PMP22: variants seen among roughly 807,000 people sequenced by gnomAD.
The protein encoded by PMP22 is Charcot-Marie-Tooth neuropathy 1A (greatly reduced nerve conduction velocity, hereditary motor sensory neuropathy Ia).
In PMP22, 2 loss-of-function variants were observed where a neutral mutation model predicts 18.9. The observed-to-expected ratio is 0.11, with a 90% confidence interval of 0.04 to 0.33. The LOEUF (loss-of-function observed/expected upper bound fraction) is 0.33. Among genes scored for constraint, PMP22 ranks in the 10% least tolerant of loss-of-function variants. The pLI is 1.00. For missense variants in PMP22, 169 were observed against 202.2 expected, an observed-to-expected ratio of 0.84 and a Z score of 1.00; for synonymous variants, 95 against 89.2, an observed-to-expected ratio of 1.07 and a Z score of -0.37.
intron 3 of PMP22, among the ~76,000 whole-genome samples, chr17:15,250,065 G>A (rs1470820972): frequency 1.3e-5 from 2 of 152,132 alleles, no homozygotes; most frequent in Admixed American, 6.5e-5. Context: ...ACAGGCACCG[G>A]CCACCACGCC....
chr17:15,252,705 C>T (rs1352257792), intron 3 of PMP22, among the ~76,000 whole-genome samples: 2 of 152,234 alleles, frequency 1.3e-5, no homozygotes, highest in African/African-American at 4.8e-5. Context: ...TGCCTAACAC[C>T]TCAGCATGAA....
chr17:15,259,289 G>A (rs547803977), intron 2 of PMP22, 96 bp from the exon 3 acceptor site: 36 of 951,616 alleles, frequency 3.8e-5, no homozygotes, highest in Middle Eastern at 4.2e-4. Context: ...AAAAGCACCC[G>A]CATCCACCTA....
At chr17:15,246,241 T>G (rs985147018) in intron 3 of PMP22, among the ~76,000 whole-genome samples, 1 of 152,188 alleles carries the variant, frequency 6.6e-6, no homozygotes, top group Non-Finnish European at 1.5e-5. Flanking sequence ...GCTTTGCAGG[T>G]CATACGGTCT....
chr17:15,234,976 C>T (rs1906673658), intron 4 of PMP22, among the ~76,000 whole-genome samples: 2 of 152,004 alleles, frequency 1.3e-5, no homozygotes, highest in Admixed American at 1.3e-4. Context: ...TCCAAGGCAC[C>T]CCACTAATTT....
In PMP22 at chr17:15,230,162, T is replaced by C. The variant is rs1005262176; in HGVS notation, c.*755A>G. Reference sequence around the variant, plus strand: ...ATTCAGGTCTCCATTCTATCTTATGTTGTAAAATTGTTAATTGGATTTCCA... The same window carrying C: ...ATTCAGGTCTCCATTCTATCTTATGCTGTAAAATTGTTAATTGGATTTCCA... On this transcript the variant is annotated 3_prime_UTR_variant, in exon 5 of 5. Transcript: ENST00000312280. The C allele has an allele frequency of 6.5e-6, 1 of 152,950 alleles. No homozygotes were observed. The highest frequency in any genetic ancestry group is 1.5e-5 in the Non-Finnish European group (1 of 68,266). 9.5% of individuals were successfully genotyped at this position (152,950 alleles called of 1,614,324 possible).
chr17:15,253,669 C>T (rs1432894074), intron 3 of PMP22, among the ~76,000 whole-genome samples: 1 of 152,114 alleles, frequency 6.6e-6, no homozygotes, highest in Non-Finnish European at 1.5e-5. Context: ...ACTCTCTGTT[C>T]CCACTAGTCT....
At chr17:15,234,888 T>C (rs1367816944) in intron 4 of PMP22, among the ~76,000 whole-genome samples, 1 of 151,950 alleles carries the variant, frequency 6.6e-6, no homozygotes, top group Non-Finnish European at 1.5e-5. Flanking sequence ...CTGATCATAG[T>C]TCACTGTAGT....
At chr17:15,257,441 G>A (rs1000389686) in intron 3 of PMP22, among the ~76,000 whole-genome samples, 16 of 152,218 alleles carry the variant, frequency 1.1e-4, no homozygotes, top group Non-Finnish European at 2.1e-4. Context: ...GTGCCAAGCC[G>A]CGTGGCCAGA....
chr17:15,261,392 C>T lies in PMP22; in HGVS notation c.-34-631G>A, dbSNP rs1909328605. ...TGGCCCCAGCTCAGCCTCGCGCAGA[C>T]TCTGGCGGCTCCGGAGAGGTGGTGC... On this transcript the variant is annotated intron_variant, in intron 1 of 4. Transcript: ENST00000312280. This position sits in a 1 kb window ranked among gnomAD's most constrained non-coding sequence, Gnocchi z 5.2. The T allele has an allele frequency of 6.6e-6, 1 of 152,472 alleles. No homozygotes were observed. Among genetic ancestry groups the T allele is most frequent in the Admixed American group, 6.5e-5 (1 of 15,280 alleles). The allele number at this position is 152,472 out of a possible 1,614,324, so 9.4% of individuals were successfully genotyped here. A position where few individuals can be genotyped will look rare whatever the true frequency, so the allele number is the denominator to read the frequency against.
intron 3 of PMP22, among the ~76,000 whole-genome samples, chr17:15,252,354 T>C (rs2150697292): frequency 6.6e-6 from 1 of 152,314 alleles, no homozygotes; most frequent in African/African-American, 2.4e-5. Flanking sequence ...AAAGCATTGA[T>C]CTAATTCCTC....
Position 15,258,932 on chromosome 17 carries a change from C to T in PMP22, c.178+162G>A. ...CTCAGCTTCCCCAGCGAGATCACCA[C>T]CCCTCCCATTTTCCCTGGACTCATG... On this transcript the variant is annotated intron_variant, in intron 3 of 4. Coordinates refer to ENST00000312280, the MANE Select transcript of PMP22 (RefSeq NM_000304.4). This position sits in a 1 kb window ranked among gnomAD's most constrained non-coding sequence, Gnocchi z 4.1. The T allele has an allele frequency of 1.4e-6, 1 of 690,616 alleles. No individual in the cohort carries two copies. The highest frequency in any genetic ancestry group is 2.0e-5 in the Admixed American group (1 of 49,300). 42.8% of individuals were successfully genotyped at this position (690,616 alleles called of 1,614,324 possible).
chr17:15,231,027 G>A lies in PMP22; in HGVS notation c.373C>T (p.His125Tyr). ...CCGTAGGAGTAATCCGAGTTGAGAT[G>A]CCACTCCGGGTGCCTCACCGTGTAG... ...AIYTVRHPEW[H>Y]LNSDYSYGFA... Residue 125 changes from histidine to tyrosine, a missense_variant, in exon 5 of 5, where the codon CAT becomes TAT. Physicochemically the swap from His to Tyr is moderately conservative, Grantham distance 83 (BLOSUM62 2). Coordinates refer to ENST00000312280, the MANE Select transcript of PMP22 (RefSeq NM_000304.4). 1.9e-6 allele frequency: 3 copies of A among 1,614,118 alleles called. No individual in the cohort carries two copies. In the South Asian group the frequency reaches 3.3e-5, roughly 18 times the overall value.
intron 1 of PMP22, among the ~76,000 whole-genome samples, chr17:15,264,165 A>G (rs1241038285): frequency 6.6e-6 from 1 of 152,194 alleles, no homozygotes; most frequent in Non-Finnish European, 1.5e-5. Context: ...TCAACCTTTC[A>G]GGGAAGACCT....
chr17:15,248,572 A>C (rs909060895), intron 3 of PMP22, among the ~76,000 whole-genome samples: 3 of 152,294 alleles, frequency 2.0e-5, no homozygotes, highest in Non-Finnish European at 4.4e-5. Context: ...GAGGTACCTG[A>C]GGTTACTGGA....
chr17:15,254,595 A>G (rs1485661612), intron 3 of PMP22, among the ~76,000 whole-genome samples: 1 of 152,132 alleles, frequency 6.6e-6, no homozygotes, highest in African/African-American at 2.4e-5. Flanking sequence ...AGATATCCCA[A>G]GGGAAGTGGC....
At position 15,230,941 on chromosome 17, in the gene PMP22, A is replaced by G; in HGVS notation, c.459T>C (p.Tyr153=). The change falls in exon 5 of 5, where the codon TAT becomes TAC. Residue 153 remains tyrosine (Y), a synonymous_variant. Transcript: ENST00000312280. ...FPLALLSGVI[Y]VILRKRE ...CTCATTCGCGTTTCCGCAAGATCAC[A>G]TAGATGACACCGCTGAGAAGGGCCA... 6.2e-7 allele frequency: 1 copy of G among 1,614,130 alleles called. No homozygotes were observed. Among genetic ancestry groups the G allele is most frequent in the Non-Finnish European group, 8.5e-7 (1 of 1,180,042 alleles).
rs1260432856 is a variant in PMP22, at chr17:15,230,562, T to C, written c.*355A>G. Reference sequence around the variant, plus strand: ...GGGCGAGATGGAGTTATCTTATTTCTGGGTAAAACAAAACAAACAAACAAA... The same window carrying C: ...GGGCGAGATGGAGTTATCTTATTTCCGGGTAAAACAAAACAAACAAACAAA... On this transcript the variant is annotated 3_prime_UTR_variant, in exon 5 of 5. Coordinates refer to ENST00000312280, the MANE Select transcript of PMP22 (RefSeq NM_000304.4). The C allele has an allele frequency of 4.0e-6, 1 of 253,058 alleles. No homozygotes were observed. Among genetic ancestry groups the C allele is most frequent in the East Asian group, 9.9e-5 (1 of 10,064 alleles). The allele number at this position is 253,058 out of a possible 1,614,324, so 15.7% of individuals were successfully genotyped here.
chr17:15,235,918 C>G (rs1315638546), intron 4 of PMP22, among the ~76,000 whole-genome samples: 2 of 152,020 alleles, frequency 1.3e-5, no homozygotes, highest in African/African-American at 4.8e-5. Context: ...CCACGCCTGG[C>G]TATTTTTTTA....
chr17:15,236,447 C>T (rs1051426868), intron 4 of PMP22, among the ~76,000 whole-genome samples: 5 of 151,832 alleles, frequency 3.3e-5, no homozygotes, highest in African/African-American at 7.3e-5. Context: ...CAGCCACTTC[C>T]GGAGACTACA....
Sources: gnomAD v4.1 joint callset for allele counts (sites outside exome capture counted in the v4.1 genomes callset) on GRCh38, gnomAD v4.1.1 for gene constraint, Gnocchi (gnomAD v3.1) non-coding constraint, MANE v1.5 for transcripts, NCBI Gene and HGNC (gene_info 2026-07-23, HGNC 2026-07-21) for gene names.